Variants in MDGA2 observed in about 807,000 individuals in gnomAD.
The protein encoded by MDGA2 is MAM domain-containing glycosylphosphatidylinositol anchor protein 2.
In MDGA2, 40 loss-of-function variants were observed where a neutral mutation model predicts 117.8. The ratio of observed to expected loss-of-function variants is 0.34; its 90% CI spans 0.26 to 0.44. The LOEUF (loss-of-function observed/expected upper bound fraction) is 0.44. MDGA2 is among the 20% of genes least tolerant of loss of function. The probability of loss-of-function intolerance (pLI) is 1.00; values close to 1 mark genes in which losing one functional copy is unlikely to be tolerated. For synonymous variants in MDGA2, 452 were observed against 439.0 expected (o/e 1.03, Z -0.37); for missense variants, 1,123 against 1,250.6 (o/e 0.90, Z 1.54).
At chr14:46,995,166 C>A (rs573168708) in intron 8 of MDGA2, among the ~76,000 whole-genome samples, 2 of 151,946 alleles carry the variant, frequency 1.3e-5, no homozygotes, top group Admixed American at 6.6e-5. Context: ...TAAAACAAAA[C>A]AAAAATTATT....
At chr14:47,477,593 A>G (rs1893870272) in intron 1 of MDGA2, among the ~76,000 whole-genome samples, 1 of 152,170 alleles carries the variant, frequency 6.6e-6, no homozygotes, top group Non-Finnish European at 1.5e-5. Context: ...CTGGTTCTCA[A>G]CTTTGATTTC....
intron 1 of MDGA2, among the ~76,000 whole-genome samples, chr14:47,407,882 CT>C (rs1892290997): frequency 6.6e-6 from 1 of 152,060 alleles, no homozygotes; most frequent in South Asian, 2.1e-4. Context: ...AGGAATCTTT[CT>C]TACATTCTAA....
chr14:47,235,682 G>A (rs770264135), intron 2 of MDGA2, among the ~76,000 whole-genome samples: 2 of 152,126 alleles, frequency 1.3e-5, no homozygotes, highest in African/African-American at 2.4e-5. Flanking sequence ...TGTGTTGTTC[G>A]TGATATGCCT....
intron 2 of MDGA2, among the ~76,000 whole-genome samples, chr14:47,233,675 G>C (rs114318398): frequency 6.6e-6 from 1 of 152,060 alleles, no homozygotes; most frequent in Non-Finnish European, 1.5e-5. Flanking sequence ...AAAATTTTAC[G>C]CAAAGGGCGG....
chr14:47,333,721 A>G (rs1166336500), intron 1 of MDGA2, among the ~76,000 whole-genome samples: 1 of 147,804 alleles, frequency 6.8e-6, no homozygotes, highest in Non-Finnish European at 1.5e-5. Context: ...CACAAATTTA[A>G]TAAGTCATCA....
At chr14:47,634,000 C>T (rs1421557238) in intron 1 of MDGA2, among the ~76,000 whole-genome samples, 1 of 151,978 alleles carries the variant, frequency 6.6e-6, no homozygotes. Flanking sequence ...AAGTACAGAC[C>T]AAAGTGTATG....
intron 1 of MDGA2, among the ~76,000 whole-genome samples, chr14:47,591,325 G>T (rs1188141493): frequency 6.6e-6 from 1 of 152,078 alleles, no homozygotes; most frequent in African/African-American, 2.4e-5. Flanking sequence ...CAGCAGTTTA[G>T]TTAAGACAGC....
chr14:47,493,674 G>C (rs936296761), intron 1 of MDGA2, among the ~76,000 whole-genome samples: 1 of 152,018 alleles, frequency 6.6e-6, no homozygotes, highest in Non-Finnish European at 1.5e-5. Flanking sequence ...TTCCCAAAAA[G>C]TAACTATCGA....
chr14:47,603,713 A>T (rs910397664), intron 1 of MDGA2, among the ~76,000 whole-genome samples: 5 of 151,382 alleles, frequency 3.3e-5, no homozygotes, highest in Admixed American at 2.0e-4. Flanking sequence ...CTCTGATATG[A>T]TTTGGATGTG....
chr14:47,664,169 C>T (rs550890879), intron 1 of MDGA2, among the ~76,000 whole-genome samples: 9 of 152,164 alleles, frequency 5.9e-5, no homozygotes, highest in South Asian at 4.2e-4. Context: ...ACACGTGCAT[C>T]GAAATACAAT....
intron 1 of MDGA2, among the ~76,000 whole-genome samples, chr14:47,608,308 C>T (rs1896778215): frequency 6.6e-6 from 1 of 151,974 alleles, no homozygotes; most frequent in Non-Finnish European, 1.5e-5. Context: ...ACAAATAATC[C>T]TAATTATGTA....
At chr14:47,452,701 T>C (rs1893266456) in intron 1 of MDGA2, among the ~76,000 whole-genome samples, 1 of 152,082 alleles carries the variant, frequency 6.6e-6, no homozygotes, top group Non-Finnish European at 1.5e-5. Context: ...TAACCAAGGA[T>C]ACATTTCCCA....
In MDGA2 at chr14:47,674,919, G is replaced by C; in HGVS notation, c.-123C>G. ...AATCGCAGACGCCGGGGAGGAGCAGGGGGCGGTGATGGGAAGGGGAGCTGC... is the reference window on the plus strand; with the variant it reads ...AATCGCAGACGCCGGGGAGGAGCAGCGGGCGGTGATGGGAAGGGGAGCTGC... On this transcript the variant is annotated 5_prime_UTR_variant, in exon 1 of 17. Transcript: ENST00000399232. 1.9e-6 allele frequency: 1 copy of C among 524,418 alleles called. No homozygotes were observed. The highest frequency in any genetic ancestry group is 3.5e-5 in the East Asian group (1 of 28,716). 32.5% of individuals were successfully genotyped at this position (524,418 alleles called of 1,614,324 possible).
intron 1 of MDGA2, among the ~76,000 whole-genome samples, chr14:47,421,258 T>A (rs1892573212): frequency 6.6e-6 from 1 of 152,146 alleles, no homozygotes; most frequent in Admixed American, 6.6e-5. Flanking sequence ...GAGTCAAAGA[T>A]TAAAAGCTCG....
At chr14:47,537,574 T>TAAAAAAAAAAAAAA (rs58060138) in intron 1 of MDGA2, among the ~76,000 whole-genome samples, 3 of 36,610 alleles carry the variant, frequency 8.2e-5, no homozygotes, top group Non-Finnish European at 1.1e-4. Flanking sequence ...TTCTCTCTGT[T>TAAAAAAAAAAAAAA]AAAAAAAAAA....
intron 8 of MDGA2, among the ~76,000 whole-genome samples, chr14:47,008,546 C>A (rs1887790101): frequency 6.6e-6 from 1 of 151,882 alleles, no homozygotes; most frequent in South Asian, 2.1e-4. Flanking sequence ...CTATTTTAGA[C>A]AGACTTAAAT....
intron 1 of MDGA2, among the ~76,000 whole-genome samples, chr14:47,450,140 T>A (rs1893210648): frequency 6.6e-6 from 1 of 151,674 alleles, no homozygotes; most frequent in Non-Finnish European, 1.5e-5. Context: ...ATTTGAAGGT[T>A]TTTTTTAGTA....
intron 1 of MDGA2, among the ~76,000 whole-genome samples, chr14:47,401,383 A>G (rs1004332331): frequency 6.6e-6 from 1 of 152,166 alleles, no homozygotes; most frequent in African/African-American, 2.4e-5. Context: ...CCGAGCTATT[A>G]CATGGGAAAT....
At chr14:47,561,153 G>GGTTTTTTTTTTTTTT (rs1895797132) in intron 1 of MDGA2, among the ~76,000 whole-genome samples, 38 of 63,898 alleles carry the variant, frequency 5.9e-4, no homozygotes, top group Middle Eastern at 6.3e-3. Context: ...TTTTTTTTTT[G>GGTTTTTTTTTTTTTT]TTTTGTTTTG....
Sources: allele counts gnomAD v4.1 joint callset (sites outside exome capture counted in the v4.1 genomes callset), GRCh38; gene constraint gnomAD v4.1.1; transcripts MANE v1.5; gene names NCBI Gene and HGNC (gene_info 2026-07-23, HGNC 2026-07-21).